AKAP3: variants seen among roughly 807,000 people sequenced by gnomAD.
AKAP3 encodes the protein A-kinase anchor protein 3.
A neutral mutation model predicts 57.2 loss-of-function variants in AKAP3; 27 were observed. That is an observed-to-expected ratio of 0.47 (90% CI 0.35 to 0.65). The LOEUF (loss-of-function observed/expected upper bound fraction) is 0.65. AKAP3 is among the 30% of genes least tolerant of loss of function. AKAP3 has a pLI of 0.01. For missense variants in AKAP3, 959 were observed against 1,040.0 expected, an observed-to-expected ratio of 0.92 and a Z score of 1.07; for synonymous variants, 334 against 392.3, an observed-to-expected ratio of 0.85 and a Z score of 1.76.
chr12:4,631,827 C>T (rs1945502007), intron 4 of AKAP3, among the ~76,000 whole-genome samples: 1 of 151,586 alleles, frequency 6.6e-6, no homozygotes, highest in South Asian at 2.1e-4. Context: ...AACAGCTATA[C>T]CTTTTCTTAT....
intron 4 of AKAP3, among the ~76,000 whole-genome samples, chr12:4,629,471 C>A (rs973274823): frequency 1.3e-5 from 2 of 151,962 alleles, no homozygotes; most frequent in Admixed American, 6.6e-5. Flanking sequence ...CACACTGGGG[C>A]CTTTTGGAGA....
intron 5 of AKAP3, among the ~76,000 whole-genome samples, chr12:4,624,935 G>A (rs1203253036): frequency 6.8e-6 from 1 of 146,874 alleles, no homozygotes; most frequent in Non-Finnish European, 1.5e-5. Flanking sequence ...AAGCCAGAAT[G>A]TATTATGTAT....
chr12:4,630,625 G>A (rs1324634598), intron 4 of AKAP3, among the ~76,000 whole-genome samples: 1 of 152,148 alleles, frequency 6.6e-6, no homozygotes, highest in Non-Finnish European at 1.5e-5. Flanking sequence ...GATATTTTGT[G>A]CTTTAGTGGA....
At chr12:4,635,881 C>T in intron 4 of AKAP3, 2 of 680,746 alleles carry the variant, frequency 2.9e-6, no homozygotes, top group Non-Finnish European at 5.3e-6. Flanking sequence ...TGGCTAAGAA[C>T]CACCACTCTT....
At chr12:4,629,508 A>C (rs911801102) in intron 4 of AKAP3, among the ~76,000 whole-genome samples, 3 of 152,280 alleles carry the variant, frequency 2.0e-5, no homozygotes, top group African/African-American at 7.2e-5. Context: ...GGGAGAGGAC[A>C]AGGAAAAATA....
rs1945274759 is a variant in AKAP3 at position 4,615,648 on chromosome 12, A to C, written c.*91T>G. The C allele has an allele frequency of 6.9e-7, 1 of 1,454,212 alleles. No homozygotes were observed. Among genetic ancestry groups the C allele is most frequent in the Admixed American group, 1.9e-5 (1 of 52,662 alleles). 90.1% of individuals were successfully genotyped at this position (1,454,212 alleles called of 1,614,324 possible). Reference sequence around the variant, plus strand: ...AAGATAATGTTAGGGCTCTGTGAGGATATAGAGGGGGAGATGTGGAAGTGA... The same window carrying C: ...AAGATAATGTTAGGGCTCTGTGAGGCTATAGAGGGGGAGATGTGGAAGTGA... On this transcript the variant is annotated 3_prime_UTR_variant, in exon 6 of 6. Transcript: ENST00000228850.
At chr12:4,641,478 T>G (rs1231603307) in intron 3 of AKAP3, among the ~76,000 whole-genome samples, 1 of 152,198 alleles carries the variant, frequency 6.6e-6, no homozygotes, top group Non-Finnish European at 1.5e-5. Context: ...CCTGCAGGTG[T>G]GGGCCACTGC....
chr12:4,620,494 A>AAAG (rs1555126150), intron 5 of AKAP3, among the ~76,000 whole-genome samples: 2 of 151,332 alleles, frequency 1.3e-5, no homozygotes, highest in East Asian at 3.9e-4. Flanking sequence ...AAAAAAAAAA[A>AAAG]AGAGAGATTG....
intron 5 of AKAP3, among the ~76,000 whole-genome samples, chr12:4,619,016 G>C (rs1945316570): frequency 6.6e-6 from 1 of 152,094 alleles, no homozygotes; most frequent in Non-Finnish European, 1.5e-5. Context: ...GGATTGCATA[G>C]GTATCTCACT....
At chr12:4,637,103 A>C (rs768742239) in intron 4 of AKAP3, among the ~76,000 whole-genome samples, 4 of 152,238 alleles carry the variant, frequency 2.6e-5, no homozygotes, top group Non-Finnish European at 4.4e-5. Flanking sequence ...TTAGATTATG[A>C]GATCCTTAAA....
At chr12:4,638,635 T>C (rs374344637) in intron 3 of AKAP3, among the ~76,000 whole-genome samples, 1 of 152,158 alleles carries the variant, frequency 6.6e-6, no homozygotes, top group Non-Finnish European at 1.5e-5. Flanking sequence ...TTTTAAGTAA[T>C]TGTTTCATTT....
chr12:4,635,387 A>G, intron 4 of AKAP3: 1 of 683,504 alleles, frequency 1.5e-6, no homozygotes. Flanking sequence ...TGGGTTCAGT[A>G]AGGGCTACTC....
At chr12:4,621,914 A>G (rs776765539) in intron 5 of AKAP3, among the ~76,000 whole-genome samples, 2 of 152,228 alleles carry the variant, frequency 1.3e-5, no homozygotes, top group Non-Finnish European at 2.9e-5. Context: ...CAAAACACCA[A>G]TCAAAGGACC....
In AKAP3 at chr12:4,624,824, G is replaced by GTGTGTGTGTGTGTGTGTGTGTA. The variant is rs143324716; in HGVS notation, c.2406+1671_2406+1672insTACACACACACACACACACACA. ...AGTAGACAAAGGTGTGTGTGTGTGT[G>GTGTGTGTGTGTGTGTGTGTGTA]TATATAAAAGTGGGGGACTGCAAGT... is the stretch of plus-strand genomic sequence containing the variant. On this transcript the variant is annotated intron_variant, in intron 5 of 5. Coordinates refer to ENST00000228850, the MANE Select transcript of AKAP3 (RefSeq NM_001278309.2). Among the ~76,000 whole-genome samples, 222 of 141,096 alleles carry GTGTGTGTGTGTGTGTGTGTGTA rather than the reference G, an allele frequency of 1.6e-3. 7 individuals are homozygous for GTGTGTGTGTGTGTGTGTGTGTA. In the East Asian group the frequency reaches 0.019, roughly 12 times the overall value. 92.6% of individuals were successfully genotyped at this position (141,096 alleles called of 152,430 possible).
intron 3 of AKAP3, among the ~76,000 whole-genome samples, chr12:4,640,843 C>T (rs1313724639): frequency 1.3e-5 from 2 of 152,038 alleles, no homozygotes; most frequent in East Asian, 3.9e-4. Context: ...AGTTACTACC[C>T]CCCGAAAATC....
intron 5 of AKAP3, among the ~76,000 whole-genome samples, chr12:4,624,336 T>G (rs1265553434): frequency 7.3e-5 from 11 of 149,930 alleles, no homozygotes; most frequent in Non-Finnish European, 1.2e-4. Context: ...TGTGTGTGTG[T>G]GTGTGTGTGT....
chr12:4,648,967 C>A lies in AKAP3; in HGVS notation c.-467G>T. The stretch of plus-strand genomic sequence containing the variant: ...AAGTCTTTTCACTTCCTTTCTTCCC[C>A]CTCTCCTTCACTTTCCCAGCTTTCT... On this transcript the variant is annotated 5_prime_UTR_variant, in exon 1 of 6. Transcript: ENST00000228850. 1.3e-6 allele frequency: 1 copy of A among 745,144 alleles called. No individual in the cohort carries two copies. Among genetic ancestry groups the A allele is most frequent in the South Asian group, 1.9e-5 (1 of 53,196 alleles). The allele number at this position is 745,144 out of a possible 1,614,324, so 46.2% of individuals were successfully genotyped here.
chr12:4,615,823 G>A lies in AKAP3; in HGVS notation c.2478C>T (p.Arg826=). The change falls in exon 6 of 6, where the codon CGC becomes CGT. Residue 826 remains arginine (R), a synonymous_variant. Transcript: ENST00000228850. ...CATTCAGCTGGCGCTCCTTCTCATA[G>A]CGCAGCACCGACTGCAGAACCTCGC... The part of the protein sequence containing the change: ...SVGEVLQSVL[R]YEKERQLNEA... The A allele has an allele frequency of 6.2e-7, 1 of 1,614,224 alleles. No homozygotes were observed. Among genetic ancestry groups the A allele is most frequent in the Non-Finnish European group, 8.5e-7 (1 of 1,180,044 alleles).
intron 5 of AKAP3, among the ~76,000 whole-genome samples, chr12:4,622,997 G>C (rs930240109): frequency 6.6e-6 from 1 of 152,064 alleles, no homozygotes; most frequent in Non-Finnish European, 1.5e-5. Flanking sequence ...GAAGACATAC[G>C]TGTGGCCAAC....
Sources: allele counts gnomAD v4.1 joint callset (sites outside exome capture counted in the v4.1 genomes callset), GRCh38; gene constraint gnomAD v4.1.1; transcripts MANE v1.5; gene names NCBI Gene and HGNC (gene_info 2026-07-23, HGNC 2026-07-21).